DGKI: variants seen among roughly 807,000 people sequenced by gnomAD.
DGKI encodes diacylglycerol kinase iota, also known as DAG kinase iota.
A neutral mutation model predicts 147.5 loss-of-function variants in DGKI; 55 were observed. That is an observed-to-expected ratio of 0.37 (90% CI 0.30 to 0.47). The LOEUF is 0.47. DGKI is among the 20% of genes least tolerant of loss of function. The pLI, the probability that DGKI is intolerant of heterozygous loss-of-function variation, is 1.00. For synonymous variants in DGKI, 469 were observed against 477.1 expected (o/e 0.98, Z 0.22); for missense variants, 1,007 against 1,323.8 (o/e 0.76, Z 3.71).
At chr7:137,765,719 T>C (rs971244108) in intron 1 of DGKI, among the ~76,000 whole-genome samples, 1 of 152,202 alleles carries the variant, frequency 6.6e-6, no homozygotes, top group Non-Finnish European at 1.5e-5. Flanking sequence ...CCACGTCGTT[T>C]ACTAAACAAT....
intron 1 of DGKI, among the ~76,000 whole-genome samples, chr7:137,741,944 TA>T (rs976643805): frequency 6.6e-6 from 1 of 152,112 alleles, no homozygotes; most frequent in Non-Finnish European, 1.5e-5. Context: ...AATTCTTACT[TA>T]AAAAAATTCC....
intron 1 of DGKI, among the ~76,000 whole-genome samples, chr7:137,719,795 C>T (rs890975933): frequency 6.6e-6 from 1 of 151,966 alleles, no homozygotes; most frequent in Non-Finnish European, 1.5e-5. Context: ...CTGCCATCCA[C>T]GTAATGCCAA....
chr7:137,532,175 G>T (rs1008876020), intron 20 of DGKI, among the ~76,000 whole-genome samples: 3 of 152,118 alleles, frequency 2.0e-5, no homozygotes, highest in African/African-American at 7.2e-5. Flanking sequence ...ATTATGTATA[G>T]AAAGAATGGA....
Position 137,387,124 on chromosome 7 carries a change from T to C in DGKI, c.*4096A>G, listed in dbSNP as rs1029588909. On this transcript the variant is annotated 3_prime_UTR_variant, in exon 33 of 33. Transcript: ENST00000614521. ...CTTCCCGGAAGTAGCCTGCCCTAAT[T>C]AAATATCACTAGGCAACCTACTGAG... The C allele has an allele frequency of 6.6e-6, 1 of 152,118 alleles. No individual in the cohort carries two copies. Among genetic ancestry groups the C allele is most frequent in the African/African-American group, 2.4e-5 (1 of 41,426 alleles). 9.4% of individuals were successfully genotyped at this position (152,118 alleles called of 1,614,324 possible). A position where few individuals can be genotyped will look rare whatever the true frequency, so the allele number is the denominator to read the frequency against.
intron 1 of DGKI, among the ~76,000 whole-genome samples, chr7:137,802,191 G>A (rs1361350436): frequency 2.6e-5 from 4 of 152,104 alleles, no homozygotes. Flanking sequence ...AAGCTATGAG[G>A]AGGCAAAGAC....
chr7:137,642,946 G>GTGTGTA (rs1185449024), intron 6 of DGKI, among the ~76,000 whole-genome samples: 1 of 150,268 alleles, frequency 6.7e-6, no homozygotes, highest in African/African-American at 2.4e-5. Context: ...GTGTGTGTGT[G>GTGTGTA]TGTGTGTGTG....
At position 137,384,066 on chromosome 7, in the gene DGKI, C is replaced by T. The variant is rs78113418; in HGVS notation, c.*7154G>A. 1 of 152,020 alleles carries T rather than the reference C, an allele frequency of 6.6e-6. No homozygotes were observed. The highest frequency in any genetic ancestry group is 1.5e-5 in the Non-Finnish European group (1 of 67,968). The allele number at this position is 152,020 out of a possible 1,614,324, so 9.4% of individuals were successfully genotyped here. A position where few individuals can be genotyped will look rare whatever the true frequency, so the allele number is the denominator to read the frequency against. ...CTTAGCTTGCATACCCACCCATAAACTTAGAGCAATAGAGTCTTGGATGTC... is the reference window on the plus strand; with the variant it reads ...CTTAGCTTGCATACCCACCCATAAATTTAGAGCAATAGAGTCTTGGATGTC... On this transcript the variant is annotated 3_prime_UTR_variant, in exon 33 of 33. Transcript: ENST00000614521.
At chr7:137,462,853 G>C (rs539135359) in intron 27 of DGKI, among the ~76,000 whole-genome samples, 1 of 152,136 alleles carries the variant, frequency 6.6e-6, no homozygotes, top group Non-Finnish European at 1.5e-5. Context: ...TGGATTCACC[G>C]AGCACAAAGG....
chr7:137,391,412 A>G, intron 32 of DGKI, 76 bp from the exon 33 acceptor site: 3 of 1,080,532 alleles, frequency 2.8e-6, no homozygotes, highest in Non-Finnish European at 4.0e-6. Flanking sequence ...TACAAAAACA[A>G]AAAACAAAAC....
intron 1 of DGKI, among the ~76,000 whole-genome samples, chr7:137,695,224 T>G (rs1449632728): frequency 6.6e-6 from 1 of 152,240 alleles, no homozygotes; most frequent in African/African-American, 2.4e-5. Flanking sequence ...TAGGAACCAC[T>G]GTTCCACACA....
intron 6 of DGKI, among the ~76,000 whole-genome samples, chr7:137,632,588 G>A (rs1050366610): frequency 2.0e-5 from 3 of 152,130 alleles, no homozygotes; most frequent in African/African-American, 7.2e-5. Flanking sequence ...GCCGGGCATG[G>A]TGGCTCACAC....
At chr7:137,527,958 T>A (rs943586928) in intron 20 of DGKI, among the ~76,000 whole-genome samples, 1 of 152,250 alleles carries the variant, frequency 6.6e-6, no homozygotes, top group Non-Finnish European at 1.5e-5. Context: ...TGTGAAAGGC[T>A]ATGAATTCAC....
At chr7:137,797,797 C>T (rs1287747917) in intron 1 of DGKI, among the ~76,000 whole-genome samples, 1 of 151,664 alleles carries the variant, frequency 6.6e-6, no homozygotes, top group Non-Finnish European at 1.5e-5. Context: ...ATCCTCACAC[C>T]TTAAGAAACT....
intron 1 of DGKI, among the ~76,000 whole-genome samples, chr7:137,828,427 T>C (rs1798123202): frequency 6.6e-6 from 1 of 152,216 alleles, no homozygotes; most frequent in Non-Finnish European, 1.5e-5. Flanking sequence ...CTCCCAGTGA[T>C]GCTTTTTTTT....
chr7:137,793,193 T>C (rs1326282993), intron 1 of DGKI, among the ~76,000 whole-genome samples: 7 of 152,202 alleles, frequency 4.6e-5, no homozygotes, highest in Admixed American at 4.6e-4. Context: ...TGACATTACC[T>C]TGGTCTCTGT....
At chr7:137,837,826 A>G (rs1367843716) in intron 1 of DGKI, among the ~76,000 whole-genome samples, 2 of 152,078 alleles carry the variant, frequency 1.3e-5, no homozygotes, top group Non-Finnish European at 2.9e-5. Flanking sequence ...GCTAATGAAG[A>G]CAGCCATGAA....
At chr7:137,545,225 A>G (rs1012108583) in intron 20 of DGKI, among the ~76,000 whole-genome samples, 1 of 152,222 alleles carries the variant, frequency 6.6e-6, no homozygotes, top group African/African-American at 2.4e-5. Flanking sequence ...TATCTGTAAC[A>G]GTCCCTGAAA....
rs141192957 is a variant in DGKI, at chr7:137,551,301, G to A, written c.2147+1068C>T. ...CAACATGTGCCACCACAGAGAGAGAGCAGTAAGTGTTGGTAGTGAATGAGG... is the reference window on the plus strand; with the variant it reads ...CAACATGTGCCACCACAGAGAGAGAACAGTAAGTGTTGGTAGTGAATGAGG... On this transcript the variant is annotated intron_variant, in intron 20 of 32. Coordinates refer to ENST00000614521, the MANE Select transcript of DGKI (RefSeq NM_001321708.2). Among the ~76,000 whole-genome samples the A allele has an allele frequency of 3.1e-3, 469 of 152,270 alleles. 2 individuals are homozygous for A. The highest frequency in any genetic ancestry group is 5.1e-3 in the Non-Finnish European group (346 of 68,030).
chr7:137,645,863 A>C (rs1469859246), intron 5 of DGKI, among the ~76,000 whole-genome samples: 1 of 152,264 alleles, frequency 6.6e-6, no homozygotes, highest in East Asian at 1.9e-4. Context: ...TTTAACAATA[A>C]ACATGAATCT....
Sources: gnomAD v4.1 joint callset for allele counts (sites outside exome capture counted in the v4.1 genomes callset) on GRCh38, gnomAD v4.1.1 for gene constraint, MANE v1.5 for transcripts, NCBI Gene and HGNC (gene_info 2026-07-23, HGNC 2026-07-21) for gene names.